ADK: variants seen among roughly 807,000 people sequenced by gnomAD.
ADK encodes N6,N6-dimethyladenosine kinase.
In ADK, 24 loss-of-function variants were observed where a neutral mutation model predicts 44.7. The ratio of observed to expected loss-of-function variants is 0.54; its 90% confidence interval spans 0.39 to 0.76. The LOEUF is 0.76. Among genes scored for constraint, ADK ranks in the 30% least tolerant of loss-of-function variants. The pLI, the probability that ADK is intolerant of heterozygous loss-of-function variation, is 0.00. For missense variants in ADK, 321 were observed against 425.1 expected, an observed-to-expected ratio of 0.76 and a Z score of 2.15; for synonymous variants, 128 against 142.6, an observed-to-expected ratio of 0.90 and a Z score of 0.73.
intron 4 of ADK, 107 bp from the exon 5 acceptor site, chr10:74,394,034 A>G (rs1843425154): frequency 2.6e-6 from 3 of 1,132,250 alleles, no homozygotes; most frequent in Middle Eastern, 2.3e-4. Flanking sequence ...CATAACAGCT[A>G]CAGTTTCTCA....
intron 5 of ADK, among the ~76,000 whole-genome samples, chr10:74,397,203 A>G (rs1002450579): frequency 1.3e-5 from 2 of 151,728 alleles, no homozygotes; most frequent in Non-Finnish European, 2.9e-5. Flanking sequence ...GATGCATATT[A>G]CTCTTTCTTT....
intron 3 of ADK, among the ~76,000 whole-genome samples, chr10:74,237,518 C>G (rs1845016707): frequency 6.6e-6 from 1 of 152,136 alleles, no homozygotes; most frequent in Non-Finnish European, 1.5e-5. Context: ...ATGTTTTGAC[C>G]TCCTCCCATG....
intron 7 of ADK, among the ~76,000 whole-genome samples, chr10:74,574,982 TG>T (rs982454996): frequency 1.3e-5 from 2 of 152,080 alleles, no homozygotes; most frequent in Non-Finnish European, 2.9e-5. Context: ...ATAAACTAGG[TG>T]GGGGGGAAAC....
intron 3 of ADK, among the ~76,000 whole-genome samples, chr10:74,295,151 C>T (rs1319356193): frequency 4.6e-5 from 7 of 151,928 alleles, no homozygotes; most frequent in South Asian, 2.1e-4. Flanking sequence ...CCACCACGTC[C>T]GGCCTGTTTA....
At chr10:74,156,203 C>T (rs1841746363) in intron 1 of ADK, among the ~76,000 whole-genome samples, 1 of 152,106 alleles carries the variant, frequency 6.6e-6, no homozygotes, top group Non-Finnish European at 1.5e-5. Context: ...AAACAAGGGG[C>T]ATTGAAGACT....
At chr10:74,613,976 G>A (rs951279574) in intron 9 of ADK, among the ~76,000 whole-genome samples, 1 of 152,024 alleles carries the variant, frequency 6.6e-6, no homozygotes, top group East Asian at 1.9e-4. Flanking sequence ...TTCTTACCAG[G>A]TAAGATCTTA....
intron 1 of ADK, among the ~76,000 whole-genome samples, chr10:74,192,245 T>G (rs536875483): frequency 6.6e-6 from 1 of 152,298 alleles, no homozygotes; most frequent in African/African-American, 2.4e-5. Context: ...TTGTTTTTTT[T>G]GAGACAGAGT....
At chr10:74,466,445 T>G (rs1373285356) in intron 6 of ADK, among the ~76,000 whole-genome samples, 1 of 152,166 alleles carries the variant, frequency 6.6e-6, no homozygotes, top group Non-Finnish European at 1.5e-5. Flanking sequence ...AAAAGAACAT[T>G]ACACCTATAG....
At chr10:74,260,946 T>C (rs1846015665) in intron 3 of ADK, among the ~76,000 whole-genome samples, 1 of 152,216 alleles carries the variant, frequency 6.6e-6, no homozygotes, top group African/African-American at 2.4e-5. Flanking sequence ...GATACTAGCT[T>C]ATTCCTAAAT....
At position 74,323,039 on chromosome 10, in the gene ADK, G is replaced by T. The variant is rs1181714912; in HGVS notation, c.273+8294G>T. On this transcript the variant is annotated intron_variant, in intron 4 of 10. Transcript: ENST00000539909. ...CTCTTGTGGGCCTTAATGTCATGCA[G>T]TGTTTCTGGGTATGACATTAAACAT... 2.0e-5 allele frequency among the ~76,000 whole-genome samples: 3 copies of T among 152,164 alleles called. No homozygotes were observed. The East Asian group carries it at 5.8e-4, about 29-fold the overall frequency.
rs1405803708 is a variant in ADK, at chr10:74,577,199, A to G, written c.727-12083A>G. Among the ~76,000 whole-genome samples, 5 of 146,042 alleles carry G rather than the reference A, an allele frequency of 3.4e-5. No individual in the cohort carries two copies. The East Asian group carries it at 1.0e-3, about 30-fold the overall frequency. ...CCAATTTCTTTTTCAAGCATGTTAGATTTTTCTCTCTGACTTCTTTGTAGA... is the reference window on the plus strand; with the variant it reads ...CCAATTTCTTTTTCAAGCATGTTAGGTTTTTCTCTCTGACTTCTTTGTAGA... On this transcript the variant is annotated intron_variant, in intron 7 of 10. Coordinates refer to ENST00000539909, the MANE Select transcript of ADK (RefSeq NM_006721.4).
At chr10:74,687,684 T>C (rs1184941311) in intron 10 of ADK, among the ~76,000 whole-genome samples, 1 of 152,230 alleles carries the variant, frequency 6.6e-6, no homozygotes, top group African/African-American at 2.4e-5. Flanking sequence ...AAACAGCTTG[T>C]ATCTCAAGCT....
chr10:74,673,402 G>A (rs1564846164), intron 10 of ADK, among the ~76,000 whole-genome samples: 1 of 152,188 alleles, frequency 6.6e-6, no homozygotes, highest in Non-Finnish European at 1.5e-5. Context: ...GTGGGCGCAG[G>A]AACTAGCCAG....
intron 6 of ADK, among the ~76,000 whole-genome samples, chr10:74,447,726 C>T (rs1368484459): frequency 6.6e-6 from 1 of 151,984 alleles, no homozygotes; most frequent in Non-Finnish European, 1.5e-5. Context: ...TAGCACTTAC[C>T]TCAAAAAATG....
At chr10:74,503,224 A>T (rs1236456358) in intron 6 of ADK, among the ~76,000 whole-genome samples, 2 of 152,162 alleles carry the variant, frequency 1.3e-5, no homozygotes. Flanking sequence ...TCCTTGCTTT[A>T]GTTGACCAAG....
At chr10:74,634,467 C>A (rs979352392) in intron 9 of ADK, among the ~76,000 whole-genome samples, 6 of 152,130 alleles carry the variant, frequency 3.9e-5, no homozygotes, top group Admixed American at 3.9e-4. Flanking sequence ...ATCCGCCCGG[C>A]CTCCCAAAGT....
At chr10:74,378,590 T>A (rs1190996481) in intron 4 of ADK, among the ~76,000 whole-genome samples, 1 of 152,236 alleles carries the variant, frequency 6.6e-6, no homozygotes, top group Admixed American at 6.5e-5. Flanking sequence ...CCAATACTTA[T>A]GATGCCAGGT....
Position 74,204,354 on chromosome 10 carries a change from A to G in ADK, c.140+3516A>G, listed in dbSNP as rs1443170188. Among the ~76,000 whole-genome samples the G allele has an allele frequency of 5.9e-5, 9 of 152,174 alleles. No individual in the cohort carries two copies. In the South Asian group the frequency reaches 1.0e-3, roughly 18 times the overall value. On this transcript the variant is annotated intron_variant, in intron 2 of 10. Coordinates refer to ENST00000539909, the MANE Select transcript of ADK (RefSeq NM_006721.4). ...ATTTAATTTTATTATTTTTGATGCC[A>G]TTGTAAATTGGGATTGTTTTATTTT...
chr10:74,221,819 T>C (rs1025394936), intron 2 of ADK, among the ~76,000 whole-genome samples: 16 of 148,040 alleles, frequency 1.1e-4, no homozygotes, highest in Non-Finnish European at 2.2e-4. Context: ...GCTAGCCATA[T>C]GGAGAAAGCT....
Sources: gnomAD v4.1 joint callset for allele counts (sites outside exome capture counted in the v4.1 genomes callset) on GRCh38, gnomAD v4.1.1 for gene constraint, MANE v1.5 for transcripts, NCBI Gene and HGNC (gene_info 2026-07-23, HGNC 2026-07-21) for gene names.